GSDMD: variants seen among roughly 807,000 people sequenced by gnomAD.
The protein encoded by GSDMD is gasdermin D.
GSDMD carries 46 observed loss-of-function variants against 46.7 expected under a neutral mutation model. That is an observed-to-expected ratio of 0.99 (90% CI 0.78 to 1.26). The LOEUF is 1.26. Among genes scored for constraint, GSDMD ranks in the 50% most tolerant of loss-of-function variants. GSDMD has a pLI of 0.00. For missense variants in GSDMD, 649 were observed against 638.8 expected, an observed-to-expected ratio of 1.02 and a Z score of -0.17; for synonymous variants, 307 against 283.1, an observed-to-expected ratio of 1.08 and a Z score of -0.85.
At chr8:143,562,555 G>A (rs1251137836) in intron 10 of GSDMD, 34 bp downstream of exon 10, 1 of 1,601,534 alleles carries the variant, frequency 6.2e-7, no homozygotes, top group Non-Finnish European at 8.5e-7. Context: ...CAGGAGGATG[G>A]GCTGAGCCAG....
chr8:143,560,001 C>T, intron 3 of GSDMD, 32 bp downstream of exon 3: 1 of 1,563,390 alleles, frequency 6.4e-7, no homozygotes. Context: ...CAGGGCAGGG[C>T]CCCACCTACC....
upstream of GSDMD, chr8:143,558,151 T>G (rs1366803121): frequency 6.4e-6 from 4 of 624,622 alleles, no homozygotes; most frequent in Admixed American, 1.0e-4. Context: ...GGGCACAGGC[T>G]CAGAGTTTTA....
At chr8:143,554,574 AC>A (rs1284012771), upstream of GSDMD, among the ~76,000 whole-genome samples, 1 of 149,394 alleles carries the variant, frequency 6.7e-6, no homozygotes, top group African/African-American at 2.5e-5. Context: ...GCAAACGCAC[AC>A]AACACGCACG....
chr8:143,560,664 T>TACG lies in GSDMD; in HGVS notation c.473_475dup (p.Tyr158_Val159insAsp). 6.3e-7 allele frequency: 1 copy of TACG among 1,589,858 alleles called. No individual in the cohort carries two copies. Among genetic ancestry groups the TACG allele is most frequent in the South Asian group, 1.1e-5 (1 of 87,762 alleles). On this transcript the variant is annotated inframe_insertion, in exon 4 of 11. Transcript: ENST00000262580. Reference sequence around the variant, plus strand: ...GCTGCGCAGCCGCGGGGACAACGTGTACGTGGTGACTGAGGTGCTGCAGAC... The same window carrying TACG: ...GCTGCGCAGCCGCGGGGACAACGTGTACGACGTGGTGACTGAGGTGCTGCAGAC...
chr8:143,562,427 T>C (rs1268668736), intron 9 of GSDMD, 21 bp from the exon 10 acceptor site: 2 of 1,600,170 alleles, frequency 1.2e-6, no homozygotes, highest in Non-Finnish European at 1.7e-6. Flanking sequence ...AGAAACCCCC[T>C]TTTACCTGAC....
At chr8:143,557,202 C>T (rs889653778), upstream of GSDMD, among the ~76,000 whole-genome samples, 1 of 152,286 alleles carries the variant, frequency 6.6e-6, no homozygotes, top group Non-Finnish European at 1.5e-5. Context: ...CCGTGGGCGC[C>T]GTTCTACGGC....
At chr8:143,555,252 G>C (rs1823279986), upstream of GSDMD, 1 of 152,326 alleles carries the variant, frequency 6.6e-6, no homozygotes, top group South Asian at 2.1e-4. Flanking sequence ...TCAGGGTGAG[G>C]CTCAGGCCAG....
chr8:143,559,711 CA>C, intron 2 of GSDMD, 65 bp from the exon 3 acceptor site: 2 of 1,505,798 alleles, frequency 1.3e-6, no homozygotes, highest in South Asian at 2.5e-5. Context: ...GGGGCTGGGA[CA>C]GGGCTGGTGG....
At chr8:143,557,337 T>TGGC (rs1563902638), upstream of GSDMD, among the ~76,000 whole-genome samples, 5 of 61,360 alleles carry the variant, frequency 8.1e-5, no homozygotes, top group East Asian at 6.3e-4. Context: ...GCCGCTATGG[T>TGGC]GAAGGATGCT....
chr8:143,561,821 C>G lies in GSDMD; in HGVS notation c.816C>G (p.Phe272Leu). 2 of 1,610,892 alleles carry G rather than the reference C, an allele frequency of 1.2e-6. No homozygotes were observed. The highest frequency in any genetic ancestry group is 1.7e-6 in the Non-Finnish European group (2 of 1,178,992). The change falls in exon 7 of 11, where the codon TTC becomes TTG. Residue 272 changes from phenylalanine (F) to leucine (L), a missense_variant. Phe to Leu is a conservative substitution (Grantham distance 22). Coordinates refer to ENST00000262580, the MANE Select transcript of GSDMD (RefSeq NM_024736.7). ...CCATGATGAGGTGCCTCCACAACTT[C>G]CTGACAGGTCAGTGCCCTCCTGACC... ...GLSMMRCLHN[F>L]LTDGVPAEGA...
rs1290966521 is a variant in GSDMD at position 143,562,265 on chromosome 8, T to C, written c.1053T>C (p.Ala351=). The C allele has an allele frequency of 1.3e-6, 2 of 1,558,472 alleles. No homozygotes were observed. Among genetic ancestry groups the C allele is most frequent in the East Asian group, 2.4e-5 (1 of 41,880 alleles). The change falls in exon 9 of 11, where the codon GCT becomes GCC. Residue 351 remains alanine, a synonymous_variant. Coordinates refer to ENST00000262580, the MANE Select transcript of GSDMD (RefSeq NM_024736.7). ...AGCCCCTGGACGGTCCAGCAGGTGC[T>C]GTCCTGGAGTGCCTGGTGTTGTCCT... ...PVEPLDGPAG[A]VLECLVLSSG...
At chr8:143,558,490 G>C in intron 1 of GSDMD, 39 bp downstream of exon 1, 1 of 1,431,408 alleles carries the variant, frequency 7.0e-7, no homozygotes, top group Non-Finnish European at 9.1e-7. Context: ...CCTGGCTGGA[G>C]CTCCCGAGTG....
chr8:143,560,394 G>A (rs866473966), intron 3 of GSDMD: 5 of 633,440 alleles, frequency 7.9e-6, no homozygotes, highest in African/African-American at 3.6e-5. Context: ...GCCGCACCTC[G>A]AGTCTGGACT....
At position 143,558,442 on chromosome 8, in the gene GSDMD, G is replaced by A. The variant is rs1320330063; in HGVS notation, c.-14G>A. 18 of 1,502,660 alleles carry A rather than the reference G, an allele frequency of 1.2e-5. No individual in the cohort carries two copies. Among genetic ancestry groups the A allele is most frequent in the African/African-American group, 7.2e-5 (5 of 69,196 alleles). The allele number at this position is 1,502,660 out of a possible 1,614,324, so 93.1% of individuals were successfully genotyped here. On this transcript the variant is annotated 5_prime_UTR_variant, in exon 1 of 11. Transcript: ENST00000262580. ...CCAGACGCGCCACCCTCGGGGCGCC[G>A]ACGGTCACGGTGAGCTGCGCCCCGC...
chr8:143,559,280 T>TCCCCCCCCCC, intron 1 of GSDMD, 52 bp from the exon 2 acceptor site: 2 of 579,426 alleles, frequency 3.5e-6, no homozygotes, highest in South Asian at 1.8e-5. Context: ...CTTCTCCCAC[T>TCCCCCCCCCC]CCCTCCCGCC....
rs370809058 is a variant in GSDMD at position 143,561,308 on chromosome 8, G to A, written c.683-62G>A. 456 of 1,489,830 alleles carry A rather than the reference G, an allele frequency of 3.1e-4. No individual in the cohort carries two copies. The African/African-American group carries it at 5.5e-3, about 18-fold the overall frequency. 92.3% of individuals were successfully genotyped at this position (1,489,830 alleles called of 1,614,324 possible). On this transcript the variant is annotated intron_variant, in intron 5 of 10. Coordinates refer to ENST00000262580, the MANE Select transcript of GSDMD (RefSeq NM_024736.7). ...GACAGGGGAGCTCCTAGTAGGGGAGGGGAGGGGATGCTGGGATCTAGGTGA... is the reference window on the plus strand; with the variant it reads ...GACAGGGGAGCTCCTAGTAGGGGAGAGGAGGGGATGCTGGGATCTAGGTGA...
chr8:143,557,829 A>G (rs974024509), upstream of GSDMD: 37 of 341,216 alleles, frequency 1.1e-4, 1 homozygote, highest in South Asian at 7.5e-4. Context: ...CTTGAGGGCA[A>G]TTTCTACATT....
At chr8:143,556,603 G>A (rs1823300497), upstream of GSDMD, among the ~76,000 whole-genome samples, 2 of 152,212 alleles carry the variant, frequency 1.3e-5, no homozygotes, top group Admixed American at 6.5e-5. Context: ...CACCAGCAGG[G>A]ACCCGCAGGG....
In GSDMD at chr8:143,560,985, C is replaced by G; in HGVS notation, c.580-17C>G. 1 of 1,609,950 alleles carries G rather than the reference C, an allele frequency of 6.2e-7. No homozygotes were observed. The highest frequency in any genetic ancestry group is 8.5e-7 in the Non-Finnish European group (1 of 1,177,580). On this transcript the variant is annotated splice_polypyrimidine_tract_variant and intron_variant, in intron 4 of 10. Transcript: ENST00000262580. ...CCGGTGCCAGGGCCCAGCCCCGAGC[C>G]CATCTCCATGCCTCAGGGTGAGGGC...
Sources: gnomAD v4.1 joint callset for allele counts (sites outside exome capture counted in the v4.1 genomes callset) on GRCh38, gnomAD v4.1.1 for gene constraint, MANE v1.5 for transcripts, NCBI Gene and HGNC (gene_info 2026-07-23, HGNC 2026-07-21) for gene names.